The following MNAT1 variants were observed in gnomAD, a reference collection of about 807,000 sequenced individuals.
MNAT1 encodes CDK-activating kinase assembly factor MAT1.
Under a neutral mutation model 42.0 loss-of-function variants are expected in MNAT1, and 43 were observed. The observed-to-expected ratio is 1.02, with a 90% confidence interval of 0.80 to 1.32. The LOEUF (loss-of-function observed/expected upper bound fraction) is 1.32, where lower values mean the gene tolerates loss of function less well. Ranked by LOEUF, MNAT1 falls within the 40% of genes most tolerant of loss-of-function variation. MNAT1 has a pLI of 0.00. For synonymous variants in MNAT1, 118 were observed against 120.0 expected, an observed-to-expected ratio of 0.98 and a Z score of 0.11; for missense variants, 306 against 350.4, an observed-to-expected ratio of 0.87 and a Z score of 1.01.
chr14:60,949,499 C>T (rs1267655709), intron 7 of MNAT1, among the ~76,000 whole-genome samples: 1 of 152,062 alleles, frequency 6.6e-6, no homozygotes, highest in Admixed American at 6.6e-5. Flanking sequence ...AGAAAAAAGT[C>T]ATATGTAACT....
chr14:60,803,142 G>A (rs895731863), intron 3 of MNAT1, among the ~76,000 whole-genome samples: 1 of 151,476 alleles, frequency 6.6e-6, no homozygotes, highest in Non-Finnish European at 1.5e-5. Context: ...TCACCATCTT[G>A]GCCAGGCTGA....
intron 7 of MNAT1, among the ~76,000 whole-genome samples, chr14:60,901,748 C>T (rs531377178): frequency 2.2e-4 from 33 of 152,264 alleles, no homozygotes; most frequent in African/African-American, 7.7e-4. Context: ...GCCGTGGAGA[C>T]TGAAGATATG....
At chr14:60,797,415 T>C in intron 2 of MNAT1, among the ~76,000 whole-genome samples, 1 of 151,736 alleles carries the variant, frequency 6.6e-6, no homozygotes, top group African/African-American at 2.4e-5. Context: ...GTTTTGGAAA[T>C]TAGTGAATCC....
At chr14:60,766,447 C>A (rs762033933) in intron 1 of MNAT1, among the ~76,000 whole-genome samples, 17 of 152,014 alleles carry the variant, frequency 1.1e-4, no homozygotes, top group Non-Finnish European at 2.4e-4. Flanking sequence ...GGCGTGGTGG[C>A]TCAGGCCTGT....
At chr14:60,942,003 C>CAAAAAAAAAAAAAAA (rs3080602) in intron 7 of MNAT1, among the ~76,000 whole-genome samples, 2 of 29,942 alleles carry the variant, frequency 6.7e-5, no homozygotes, top group Non-Finnish European at 1.0e-4. Context: ...GGCTCCATCT[C>CAAAAAAAAAAAAAAA]AAAAAAAAAA....
chr14:60,864,205 A>AAAAG (rs1374348705), intron 6 of MNAT1, among the ~76,000 whole-genome samples: 1 of 151,854 alleles, frequency 6.6e-6, no homozygotes, highest in Non-Finnish European at 1.5e-5. Flanking sequence ...CTTTCATTTA[A>AAAAG]AAAGTACTTA....
intron 7 of MNAT1, among the ~76,000 whole-genome samples, chr14:60,886,602 T>C (rs963414221): frequency 2.6e-5 from 4 of 152,034 alleles, no homozygotes; most frequent in Non-Finnish European, 5.9e-5. Context: ...TATAAAGAAA[T>C]ATAGCTGATT....
At chr14:60,850,902 G>A (rs1338076926) in intron 6 of MNAT1, among the ~76,000 whole-genome samples, 1 of 152,158 alleles carries the variant, frequency 6.6e-6, no homozygotes, top group African/African-American at 2.4e-5. Context: ...AAGGGAAAAT[G>A]ATCTGTTTTA....
In MNAT1 at chr14:60,894,678, G is replaced by GTGTGTT. The variant is rs553550057; in HGVS notation, c.809+14849_809+14854dup. 3.4e-3 allele frequency among the ~76,000 whole-genome samples: 520 copies of GTGTGTT among 152,134 alleles called. 3 individuals are homozygous for GTGTGTT. Among genetic ancestry groups the GTGTGTT allele is most frequent in the African/African-American group, 0.012 (505 of 41,498 alleles). The stretch of plus-strand genomic sequence containing the variant: ...TTGAAGGGAGGGAGGAGCACTTTTT[G>GTGTGTT]TGTGTTTGTGTGTGTGTCTGTTGGT... On this transcript the variant is annotated intron_variant, in intron 7 of 7. Coordinates refer to ENST00000261245, the MANE Select transcript of MNAT1 (RefSeq NM_002431.4).
At chr14:60,868,272 C>G (rs1010702615) in intron 6 of MNAT1, among the ~76,000 whole-genome samples, 15 of 152,030 alleles carry the variant, frequency 9.9e-5, no homozygotes, top group Non-Finnish European at 1.6e-4. Flanking sequence ...GCACACATGT[C>G]CACACATATT....
chr14:60,924,789 A>C (rs2035732385), intron 7 of MNAT1, among the ~76,000 whole-genome samples: 1 of 152,232 alleles, frequency 6.6e-6, no homozygotes. Flanking sequence ...GACAACTTGG[A>C]AACATATTAA....
chr14:60,818,880 T>G lies in MNAT1; in HGVS notation c.687+33T>G, dbSNP rs563141233. The G allele has an allele frequency of 1.2e-5, 19 of 1,600,928 alleles. No individual in the cohort carries two copies. The South Asian group carries it at 1.9e-4, about 16-fold the overall frequency. On this transcript the variant is annotated intron_variant, in intron 6 of 7. Coordinates refer to ENST00000261245, the MANE Select transcript of MNAT1 (RefSeq NM_002431.4). ...TTATTTTAATTGCTTGTTTGAAAGA[T>G]ATTTTTTCAAGGATTATGCTTTATA...
rs914934311 is a variant in MNAT1 at position 60,914,706 on chromosome 14, G to A, written c.809+34871G>A. 2.0e-5 allele frequency among the ~76,000 whole-genome samples: 3 copies of A among 152,028 alleles called. No homozygotes were observed. In the East Asian group the frequency reaches 5.8e-4, roughly 29 times the overall value. On this transcript the variant is annotated intron_variant, in intron 7 of 7. Transcript: ENST00000261245. Reference sequence around the variant, plus strand: ...TCATAAAAAATTCTACATCCTATTTGGTTACATTATTTTAAGTAGGCTATA... The same window carrying A: ...TCATAAAAAATTCTACATCCTATTTAGTTACATTATTTTAAGTAGGCTATA...
At chr14:60,832,447 T>A (rs2033252590) in intron 6 of MNAT1, among the ~76,000 whole-genome samples, 1 of 152,218 alleles carries the variant, frequency 6.6e-6, no homozygotes, top group Non-Finnish European at 1.5e-5. Context: ...CCTTTCCCTA[T>A]TGCTTGTTTT....
intron 7 of MNAT1, among the ~76,000 whole-genome samples, chr14:60,936,164 A>G (rs2035990648): frequency 1.3e-5 from 2 of 152,132 alleles, no homozygotes; most frequent in South Asian, 4.1e-4. Flanking sequence ...ATCTGCACGA[A>G]AGCATCTGAT....
At chr14:60,892,934 T>C (rs1233788962) in intron 7 of MNAT1, among the ~76,000 whole-genome samples, 1 of 152,122 alleles carries the variant, frequency 6.6e-6, no homozygotes, top group Non-Finnish European at 1.5e-5. Flanking sequence ...TGTCCAAGAT[T>C]ATTAATAAAT....
intron 7 of MNAT1, among the ~76,000 whole-genome samples, chr14:60,956,667 T>G (rs1215511249): frequency 6.6e-6 from 1 of 152,216 alleles, no homozygotes; most frequent in Non-Finnish European, 1.5e-5. Context: ...TTGCTTTATG[T>G]GTTTAGGTGC....
At chr14:60,794,389 G>C (rs966152069) in intron 1 of MNAT1, among the ~76,000 whole-genome samples, 2 of 151,834 alleles carry the variant, frequency 1.3e-5, no homozygotes, top group Non-Finnish European at 2.9e-5. Flanking sequence ...TATAGGCCAG[G>C]AGTGGTGGCT....
intron 7 of MNAT1, among the ~76,000 whole-genome samples, chr14:60,903,784 T>C (rs2035124575): frequency 6.6e-6 from 1 of 152,168 alleles, no homozygotes; most frequent in Non-Finnish European, 1.5e-5. Context: ...TATTGACTTA[T>C]TATATATGGA....
Sources: allele counts gnomAD v4.1 joint callset (sites outside exome capture counted in the v4.1 genomes callset), GRCh38; gene constraint gnomAD v4.1.1; transcripts MANE v1.5; gene names NCBI Gene and HGNC (gene_info 2026-07-23, HGNC 2026-07-21).